The following FHOD3 variants were observed in gnomAD, a reference collection of about 807,000 sequenced individuals.
FHOD3 encodes formin homology 2 domain containing 3.
A neutral mutation model predicts 173.0 loss-of-function variants in FHOD3; 90 were observed. That is an observed-to-expected ratio of 0.52 (90% CI 0.44 to 0.62). The LOEUF (loss-of-function observed/expected upper bound fraction) is 0.62, where lower values mean the gene tolerates loss of function less well. FHOD3 is among the 20% of genes least tolerant of loss of function. FHOD3 has a pLI of 0.00. For missense variants in FHOD3, 1,945 were observed against 2,034.7 expected (o/e 0.96, Z 0.85); for synonymous variants, 828 against 823.0 (o/e 1.01, Z -0.10).
At chr18:36,409,172 TG>T (rs200482872) in intron 3 of FHOD3, among the ~76,000 whole-genome samples, 3 of 152,032 alleles carry the variant, frequency 2.0e-5, no homozygotes, top group South Asian at 2.1e-4. Flanking sequence ...GAAACCTTCT[TG>T]GGGGGGTAAT....
chr18:36,485,827 C>T (rs1387818534), intron 3 of FHOD3, among the ~76,000 whole-genome samples: 2 of 152,142 alleles, frequency 1.3e-5, no homozygotes, highest in Non-Finnish European at 2.9e-5. Context: ...TGGTGCTGCC[C>T]ATCATAGGAC....
chr18:36,554,733 T>G (rs1041588107), intron 5 of FHOD3, among the ~76,000 whole-genome samples: 1 of 152,232 alleles, frequency 6.6e-6, no homozygotes, highest in African/African-American at 2.4e-5. Flanking sequence ...TGGTAAAAAT[T>G]TAACTGCAAA....
At chr18:36,719,087 T>A (rs575273035) in intron 19 of FHOD3, among the ~76,000 whole-genome samples, 2 of 152,354 alleles carry the variant, frequency 1.3e-5, no homozygotes, top group South Asian at 4.1e-4. Flanking sequence ...TATGCTTATT[T>A]AATCTTACCT....
chr18:36,623,690 T>G (rs1057022216), intron 9 of FHOD3, among the ~76,000 whole-genome samples: 1 of 152,194 alleles, frequency 6.6e-6, no homozygotes, highest in Non-Finnish European at 1.5e-5. Flanking sequence ...AGTAAAACAG[T>G]CAAAAGTCTG....
intron 3 of FHOD3, among the ~76,000 whole-genome samples, chr18:36,485,698 A>G (rs1298858814): frequency 6.6e-6 from 1 of 152,228 alleles, no homozygotes; most frequent in Non-Finnish European, 1.5e-5. Flanking sequence ...CATGATACAT[A>G]ATGGACAACA....
intron 7 of FHOD3, among the ~76,000 whole-genome samples, 169 bp from the exon 8 acceptor site, chr18:36,602,505 A>G (rs552695288): frequency 6.6e-6 from 1 of 152,372 alleles, no homozygotes; most frequent in South Asian, 2.1e-4. Context: ...AAATATCCTC[A>G]ATTAGAAGCA....
At chr18:36,777,389 A>G (rs1046568723) in intron 28 of FHOD3, among the ~76,000 whole-genome samples, 3 of 151,722 alleles carry the variant, frequency 2.0e-5, no homozygotes, top group African/African-American at 7.3e-5. Flanking sequence ...TTTAGTAGAG[A>G]TGGAGTTTCA....
Position 36,777,205 on chromosome 18 carries a change from T to C in FHOD3, c.4787-2243T>C, listed in dbSNP as rs921046764. ...CTACTTCTTCTTCTTTTTCTTTTTT[T>C]TTTTTTTTTTTTTTTGAGATGGGGC... On this transcript the variant is annotated intron_variant, in intron 28 of 28. Coordinates refer to ENST00000590592, the MANE Select transcript of FHOD3 (RefSeq NM_001281740.3). Among the ~76,000 whole-genome samples, 561 of 146,268 alleles carry C rather than the reference T, an allele frequency of 3.8e-3. 4 individuals carry two copies. Among genetic ancestry groups the C allele is most frequent in the African/African-American group, 0.013 (501 of 39,512 alleles).
At chr18:36,406,082 TGTTTTTG>T (rs769729431) in intron 3 of FHOD3, among the ~76,000 whole-genome samples, 15 of 143,200 alleles carry the variant, frequency 1.0e-4, no homozygotes, top group East Asian at 4.1e-4. Flanking sequence ...GCCTGTTTTT[TGTTTTTG>T]TTTTTGTTTT....
chr18:36,555,137 A>T (rs898545309), intron 5 of FHOD3, among the ~76,000 whole-genome samples: 1 of 152,124 alleles, frequency 6.6e-6, no homozygotes, highest in African/African-American at 2.4e-5. Context: ...AGCTGCGTTC[A>T]TTGATTTGAG....
At position 36,652,804 on chromosome 18, in the gene FHOD3, G is replaced by A. The variant is rs1174091216; in HGVS notation, c.1521G>A (p.Lys507=). Residue 507 remains lysine, a synonymous_variant, in exon 12 of 29, where the codon AAG becomes AAA. Coordinates refer to ENST00000590592, the MANE Select transcript of FHOD3 (RefSeq NM_001281740.3). ...RPSSATPGSL[K]VSPTIDKLPY... ...CCTCCGCCACACCAGGCTCCCTGAA[G>A]GTGTCACCGACCATAGACAAGCTGC... The A allele has an allele frequency of 6.5e-7, 1 of 1,536,026 alleles. No homozygotes were observed. The highest frequency in any genetic ancestry group is 1.2e-5 in the South Asian group (1 of 84,052).
intron 18 of FHOD3, chr18:36,709,618 A>G (rs1044182890): frequency 1.8e-6 from 1 of 542,216 alleles, no homozygotes; most frequent in East Asian, 3.0e-5. Context: ...CTGCCACACC[A>G]TCACATTCAT....
chr18:36,421,136 A>G (rs2049962720), intron 3 of FHOD3, among the ~76,000 whole-genome samples: 1 of 152,188 alleles, frequency 6.6e-6, no homozygotes, highest in African/African-American at 2.4e-5. Flanking sequence ...GGTTGAACTT[A>G]TTCTGGTAAT....
At chr18:36,581,676 G>A (rs1026710711) in intron 6 of FHOD3, among the ~76,000 whole-genome samples, 1 of 152,168 alleles carries the variant, frequency 6.6e-6, no homozygotes, top group East Asian at 1.9e-4. Flanking sequence ...TTGCACGCAC[G>A]TACACACACA....
chr18:36,616,186 C>G (rs1213083010), intron 9 of FHOD3, among the ~76,000 whole-genome samples: 1 of 152,184 alleles, frequency 6.6e-6, no homozygotes, highest in Non-Finnish European at 1.5e-5. Flanking sequence ...AGAAGATGGA[C>G]TTTTTCCAGC....
intron 7 of FHOD3, among the ~76,000 whole-genome samples, chr18:36,596,907 T>C (rs970078053): frequency 1.3e-5 from 2 of 152,214 alleles, no homozygotes; most frequent in Non-Finnish European, 2.9e-5. Context: ...AGGTCTAGCA[T>C]TTCCAAGGCC....
intron 3 of FHOD3, among the ~76,000 whole-genome samples, chr18:36,383,073 G>A (rs553340703): frequency 1.3e-5 from 2 of 152,312 alleles, no homozygotes; most frequent in Admixed American, 1.3e-4. Context: ...TATTAACAGG[G>A]TGGGTGACCT....
intron 3 of FHOD3, among the ~76,000 whole-genome samples, chr18:36,478,251 T>C (rs1012481568): frequency 1.3e-5 from 2 of 152,230 alleles, no homozygotes; most frequent in African/African-American, 4.8e-5. Flanking sequence ...TGTCACATCT[T>C]TTTTTGATGA....
intron 12 of FHOD3, 52 bp downstream of exon 12, chr18:36,652,981 A>T: frequency 1.3e-6 from 2 of 1,489,814 alleles, no homozygotes; most frequent in Non-Finnish European, 1.8e-6. Context: ...GGAGGAGAAC[A>T]CAGTGTGTTA....
Sources: gnomAD v4.1 joint callset for allele counts (sites outside exome capture counted in the v4.1 genomes callset) on GRCh38, gnomAD v4.1.1 for gene constraint, MANE v1.5 for transcripts, NCBI Gene and HGNC (gene_info 2026-07-23, HGNC 2026-07-21) for gene names.